The following CARD8 variants were observed in gnomAD, a reference collection of about 807,000 sequenced individuals.
CARD8 encodes the protein caspase recruitment domain family member 8.
A neutral mutation model predicts 53.2 loss-of-function variants in CARD8; 38 were observed. That is an observed-to-expected ratio of 0.71 (90% confidence interval 0.55 to 0.94). The LOEUF (loss-of-function observed/expected upper bound fraction) is 0.94. CARD8 is among the 40% of genes least tolerant of loss of function. CARD8 has a pLI of 0.00. For missense variants in CARD8, 561 were observed against 655.5 expected (o/e 0.86, Z 1.57); for synonymous variants, 245 against 244.9 (o/e 1.00, Z 0.00).
At chr19:48,245,205 A>G (rs755382562) in intron 3 of CARD8, among the ~76,000 whole-genome samples, 4 of 152,198 alleles carry the variant, frequency 2.6e-5, no homozygotes, top group Non-Finnish European at 4.4e-5. Context: ...AGTAAGTTAG[A>G]GAAAGAATCT....
chr19:48,230,163 C>T (rs1313821487), intron 10 of CARD8, among the ~76,000 whole-genome samples: 2 of 152,116 alleles, frequency 1.3e-5, no homozygotes, highest in African/African-American at 4.8e-5. Flanking sequence ...TCTTCTCTGT[C>T]AGCTGGTCCC....
rs8112588 is a variant in CARD8 at position 48,211,779 on chromosome 19, G to C, written c.1545C>G (p.Asp515Glu). Residue 515 changes from aspartate to glutamate, a missense_variant, in exon 14 of 14, where the codon GAC becomes GAG. Coordinates refer to ENST00000651546, the MANE Select transcript of CARD8 (RefSeq NM_001184900.3). ...TTTCACTAATGCTTCTGAAGAGCAC[G>C]TCCAGGGCCAGGTCCCCTTTCTTCT... ...MVEKKGDLALDVLFRSISERD... is the reference protein window; with the variant it reads ...MVEKKGDLALEVLFRSISERD... The C allele has an allele frequency of 3.7e-6, 6 of 1,614,054 alleles. No homozygotes were observed.
chr19:48,232,204 G>T (rs78251315), intron 7 of CARD8: 8,603 of 588,738 alleles, frequency 0.015, 548 homozygotes, highest in African/African-American at 0.14. Context: ...GAAAGAGCGT[G>T]CATCCTTCCT....
intron 3 of CARD8, among the ~76,000 whole-genome samples, chr19:48,241,381 G>C (rs1365989553): frequency 1.3e-5 from 2 of 152,118 alleles, no homozygotes. Context: ...TCAGCCTCCT[G>C]AGTAGCTGGG....
intron 3 of CARD8, among the ~76,000 whole-genome samples, chr19:48,241,698 C>CT (rs1254682773): frequency 6.6e-6 from 1 of 152,186 alleles, no homozygotes; most frequent in African/African-American, 2.4e-5. Flanking sequence ...TCGTACAACT[C>CT]TAATCGTTTT....
chr19:48,232,722 C>T (rs1568818362), intron 6 of CARD8: 1 of 661,438 alleles, frequency 1.5e-6, no homozygotes, highest in Non-Finnish European at 2.8e-6. Flanking sequence ...ACGGCTATAA[C>T]ACTGTGTAGC....
chr19:48,252,991 A>G (rs1296941565), intron 1 of CARD8, among the ~76,000 whole-genome samples: 1 of 152,144 alleles, frequency 6.6e-6, no homozygotes, highest in African/African-American at 2.4e-5. Context: ...CACTTCTTGT[A>G]TTCATTCCAC....
Position 48,221,753 on chromosome 19 carries a change from C to T in CARD8, c.1138G>A (p.Ala380Thr). Residue 380 changes from alanine to threonine, a missense_variant, in exon 11 of 14, where the codon GCT (alanine) becomes ACT (threonine). By Grantham distance (58) the Ala-to-Thr change is moderately conservative. Transcript: ENST00000651546. ...ACCTTGGGCATTACTTTCAGGTTAG[C>T]AGAATTAGACACAATATAACTGGAA... Reference protein sequence around the residue: ...FGSSYIVSNSANLKVMPKELK... With the variant: ...FGSSYIVSNSTNLKVMPKELK... 1 of 1,598,010 alleles carries T rather than the reference C, an allele frequency of 6.3e-7. No homozygotes were observed. The highest frequency in any genetic ancestry group is 8.6e-7 in the Non-Finnish European group (1 of 1,169,068).
chr19:48,243,364 T>A (rs1412143044), intron 3 of CARD8, among the ~76,000 whole-genome samples: 1 of 152,200 alleles, frequency 6.6e-6, no homozygotes, highest in African/African-American at 2.4e-5. Flanking sequence ...AAATGTTTTA[T>A]TTTACCACCA....
At chr19:48,248,067 T>G (rs2046399279) in intron 3 of CARD8, among the ~76,000 whole-genome samples, 1 of 151,660 alleles carries the variant, frequency 6.6e-6, no homozygotes, top group Non-Finnish European at 1.5e-5. Context: ...CTCTTCACCT[T>G]AAATTGTCTT....
rs770149864 is a variant in CARD8, at chr19:48,234,412, T to TC, written c.340dup (p.Asp114GlyfsTer34). On this transcript the variant is annotated frameshift_variant, in exon 6 of 14. Transcript: ENST00000651546. LOFTEE classifies it high-confidence loss of function. ...GAATAGCTTTTCTTACCTGGGAATG[T>TC]CCCCCCCAGATAGTTGACACTCAGG... The TC allele has an allele frequency of 1.7e-5, 27 of 1,608,032 alleles. No homozygotes were observed. In the Admixed American group the frequency reaches 1.7e-4, roughly 10 times the overall value.
chr19:48,227,212 C>T (rs1413287972), intron 10 of CARD8, among the ~76,000 whole-genome samples: 1 of 151,894 alleles, frequency 6.6e-6, no homozygotes, highest in Non-Finnish European at 1.5e-5. Context: ...TTGAATAAAT[C>T]GCTTAAAGGG....
chr19:48,224,756 CTTT>C (rs10533384), intron 10 of CARD8, among the ~76,000 whole-genome samples: 5,835 of 135,180 alleles, frequency 0.043, 333 homozygotes, highest in African/African-American at 0.13. Context: ...TCACCTTGTG[CTTT>C]TTTTTTTTTT....
At chr19:48,222,271 G>T (rs1303052277) in intron 10 of CARD8, among the ~76,000 whole-genome samples, 1 of 152,228 alleles carries the variant, frequency 6.6e-6, no homozygotes, top group Admixed American at 6.5e-5. Flanking sequence ...TGATGGACAA[G>T]GGTAGAGATG....
chr19:48,232,814 G>A, intron 6 of CARD8: 1 of 514,944 alleles, frequency 1.9e-6, no homozygotes, highest in South Asian at 1.5e-5. Context: ...AAGACATTTT[G>A]AATGAAGATA....
intron 11 of CARD8, among the ~76,000 whole-genome samples, chr19:48,219,236 C>T (rs2039999064): frequency 6.6e-6 from 1 of 152,144 alleles, no homozygotes; most frequent in African/African-American, 2.4e-5. Context: ...CCACATGAGT[C>T]AGAGAAAAAC....
At chr19:48,206,413 C>T (rs766450150), downstream of CARD8, 5 of 457,428 alleles carry the variant, frequency 1.1e-5, no homozygotes, top group South Asian at 7.7e-5. Context: ...CTAGAGCAGT[C>T]CCAATGAGTC....
chr19:48,248,222 C>A (rs890856772), intron 3 of CARD8, among the ~76,000 whole-genome samples: 1 of 152,120 alleles, frequency 6.6e-6, no homozygotes, highest in Non-Finnish European at 1.5e-5. Flanking sequence ...ATCCCAGTCA[C>A]GCATGAAGTT....
At chr19:48,238,605 T>A in intron 4 of CARD8, 73 bp from the exon 5 acceptor site, 1 of 1,421,724 alleles carries the variant, frequency 7.0e-7, no homozygotes, top group East Asian at 2.5e-5. Flanking sequence ...CTCCTCACTG[T>A]GATGTAGCGA....
Sources: gnomAD v4.1 joint callset for allele counts (sites outside exome capture counted in the v4.1 genomes callset) on GRCh38, gnomAD v4.1.1 for gene constraint, MANE v1.5 for transcripts, NCBI Gene and HGNC (gene_info 2026-07-23, HGNC 2026-07-21) for gene names.